Variants in DMGDH observed in about 807,000 individuals in gnomAD.
The protein encoded by DMGDH is dimethylglycine dehydrogenase, also known as dimethylglycine dehydrogenase, mitochondrial.
DMGDH carries 76 observed loss-of-function variants against 95.2 expected under a neutral mutation model. The ratio of observed to expected loss-of-function variants is 0.80; its 90% confidence interval spans 0.66 to 0.97. The LOEUF (loss-of-function observed/expected upper bound fraction) is 0.97, where lower values mean the gene tolerates loss of function less well. DMGDH is among the 50% of genes least tolerant of loss of function. The pLI is 0.00. For synonymous variants in DMGDH, 345 were observed against 377.6 expected, an observed-to-expected ratio of 0.91 and a Z score of 1.00; for missense variants, 987 against 1,055.0, an observed-to-expected ratio of 0.94 and a Z score of 0.89.
intron 14 of DMGDH, among the ~76,000 whole-genome samples, chr5:79,008,242 G>A (rs2112601835): frequency 6.6e-6 from 1 of 152,332 alleles, no homozygotes; most frequent in Non-Finnish European, 1.5e-5. Flanking sequence ...AGTTCCGCCT[G>A]GGATGGGAGA....
At chr5:79,025,922 G>A (rs958528059) in intron 13 of DMGDH, among the ~76,000 whole-genome samples, 10 of 152,182 alleles carry the variant, frequency 6.6e-5, no homozygotes, top group African/African-American at 2.2e-4. Context: ...GAAGGAAAAT[G>A]AAATCATGCA....
intron 5 of DMGDH, among the ~76,000 whole-genome samples, chr5:79,049,557 A>C (rs968423259): frequency 3.3e-5 from 5 of 152,336 alleles, no homozygotes; most frequent in Admixed American, 3.3e-4. Context: ...AAAACAGTCA[A>C]ATGTTTTTAG....
At chr5:79,033,142 G>T (rs1041498926) in intron 8 of DMGDH, 97 bp downstream of exon 8, 3 of 1,488,368 alleles carry the variant, frequency 2.0e-6, no homozygotes, top group Non-Finnish European at 2.8e-6. Context: ...CCTAACTACC[G>T]CCATCCCAGT....
chr5:78,999,636 C>T (rs553233366), intron 15 of DMGDH, among the ~76,000 whole-genome samples: 26 of 152,242 alleles, frequency 1.7e-4, no homozygotes, highest in Non-Finnish European at 1.8e-4. Context: ...CCCGGCTGTT[C>T]TCCATATGAT....
rs1441119748 is a variant in DMGDH, at chr5:79,005,269, T to C, written c.2385+4A>G. On this transcript the variant is annotated splice_donor_region_variant and intron_variant, in intron 15 of 15. Transcript: ENST00000255189. Reference sequence around the variant, plus strand: ...CCCCTGGCAGTGAGGTCCTCAGCACTCACCTTGCCATTGTACCAGATGCTT... The same window carrying C: ...CCCCTGGCAGTGAGGTCCTCAGCACCCACCTTGCCATTGTACCAGATGCTT... 1 of 1,613,550 alleles carries C rather than the reference T, an allele frequency of 6.2e-7. No homozygotes were observed. Among genetic ancestry groups the C allele is most frequent in the Non-Finnish European group, 8.5e-7 (1 of 1,179,870 alleles).
At chr5:79,020,928 T>A in intron 14 of DMGDH, 3 of 985,432 alleles carry the variant, frequency 3.0e-6, no homozygotes, top group Non-Finnish European at 3.6e-6. Flanking sequence ...ATTCCAGGAA[T>A]GCCTATGACT....
At chr5:79,062,282 C>T (rs955877489) in intron 2 of DMGDH, among the ~76,000 whole-genome samples, 1 of 151,690 alleles carries the variant, frequency 6.6e-6, no homozygotes, top group Non-Finnish European at 1.5e-5. Flanking sequence ...TTTCTGTCTG[C>T]CCCACCAGAA....
intron 14 of DMGDH, 100 bp downstream of exon 14, chr5:79,024,171 T>C: frequency 9.6e-7 from 1 of 1,044,874 alleles, no homozygotes; most frequent in Non-Finnish European, 1.5e-6. Context: ...TTGTTTCTCC[T>C]ATAATCCATA....
chr5:79,049,063 T>C (rs1411803170), intron 5 of DMGDH, among the ~76,000 whole-genome samples: 1 of 152,146 alleles, frequency 6.6e-6, no homozygotes, highest in Non-Finnish European at 1.5e-5. Flanking sequence ...ACTGTCCTAA[T>C]ACCAGGGACT....
chr5:79,055,665 T>G, intron 3 of DMGDH, 145 bp downstream of exon 3: 1 of 670,942 alleles, frequency 1.5e-6, no homozygotes. Context: ...ACTCTAGAGG[T>G]TCTTACCTTA....
At chr5:79,053,334 G>C (rs191575152) in intron 4 of DMGDH, among the ~76,000 whole-genome samples, 1 of 152,164 alleles carries the variant, frequency 6.6e-6, no homozygotes, top group African/African-American at 2.4e-5. Flanking sequence ...AATTTTGTGT[G>C]TGTGTGTGAG....
intron 14 of DMGDH, among the ~76,000 whole-genome samples, chr5:79,009,451 T>C (rs1007123036): frequency 6.7e-6 from 1 of 149,144 alleles, no homozygotes. Flanking sequence ...AACCTCCACC[T>C]CCTGGGTTCA....
chr5:79,046,059 T>TTTTGTTTTG (rs1270165711), intron 5 of DMGDH, among the ~76,000 whole-genome samples: 1 of 29,592 alleles, frequency 3.4e-5, no homozygotes, highest in African/African-American at 1.7e-4. Context: ...TTTGCCGGTG[T>TTTTGTTTTG]TTTGTTTTGT....
intron 14 of DMGDH, among the ~76,000 whole-genome samples, chr5:79,014,320 G>A (rs775556024): frequency 4.6e-5 from 7 of 151,906 alleles, no homozygotes; most frequent in Non-Finnish European, 1.0e-4. Flanking sequence ...TTAATTTTTC[G>A]GTTTTTTAAT....
Position 79,016,402 on chromosome 5 carries a change from T to C in DMGDH, c.2250+7869A>G, listed in dbSNP as rs1485675547. Among the ~76,000 whole-genome samples the C allele has an allele frequency of 8.5e-5, 13 of 152,286 alleles. No homozygotes were observed. In the East Asian group the frequency reaches 2.5e-3, roughly 29 times the overall value. On this transcript the variant is annotated intron_variant, in intron 14 of 15. Coordinates refer to ENST00000255189, the MANE Select transcript of DMGDH (RefSeq NM_013391.3). ...AAGCAGATTGAGCAAAGTTCCAAAA[T>C]ATAAGATCAACATATAAGACCAATT...
At chr5:79,045,121 A>T (rs1360476953) in intron 5 of DMGDH, among the ~76,000 whole-genome samples, 1 of 152,240 alleles carries the variant, frequency 6.6e-6, no homozygotes, top group Non-Finnish European at 1.5e-5. Flanking sequence ...AATGGTGCAT[A>T]CTTCGGGAGA....
At chr5:79,043,352 GC>G (rs1025757610) in intron 6 of DMGDH, among the ~76,000 whole-genome samples, 4 of 152,166 alleles carry the variant, frequency 2.6e-5, no homozygotes, top group African/African-American at 9.7e-5. Context: ...AGAGAGGGAG[GC>G]TCTCAGTGGC....
intron 14 of DMGDH, among the ~76,000 whole-genome samples, chr5:79,020,160 T>G (rs1246075462): frequency 6.6e-6 from 1 of 152,238 alleles, no homozygotes; most frequent in African/African-American, 2.4e-5. Flanking sequence ...TCTCCATCTC[T>G]GCAGAATCAC....
chr5:79,001,178 TTTGAGATGGAGTC>T, intron 15 of DMGDH: 1 of 458,534 alleles, frequency 2.2e-6, no homozygotes, highest in South Asian at 3.9e-5. Context: ...TTGCTTGTTT[TTTGAGATGGAGTC>T]TTGCTCTGTT....
Sources: allele counts gnomAD v4.1 joint callset (sites outside exome capture counted in the v4.1 genomes callset), GRCh38; gene constraint gnomAD v4.1.1; transcripts MANE v1.5; gene names NCBI Gene and HGNC (gene_info 2026-07-23, HGNC 2026-07-21).